TCF3: variants seen among roughly 807,000 people sequenced by gnomAD.
TCF3 encodes the protein transcription factor 3, also known as transcription factor E2-alpha.
A neutral mutation model predicts 72.3 loss-of-function variants in TCF3; 54 were observed. The observed-to-expected ratio is 0.75, with a 90% CI of 0.60 to 0.94. The LOEUF is 0.94. TCF3 is among the 40% of genes least tolerant of loss of function. TCF3 has a pLI of 0.00. For synonymous variants in TCF3, 525 were observed against 412.6 expected (o/e 1.27, Z -3.30); for missense variants, 1,078 against 934.4 (o/e 1.15, Z -2.00).
chr19:1,635,685 C>T (rs1054238360), intron 3 of TCF3, among the ~76,000 whole-genome samples: 18 of 152,162 alleles, frequency 1.2e-4, no homozygotes, highest in Non-Finnish European at 1.3e-4. Context: ...CTGTCCAATA[C>T]GGGGACCACA....
chr19:1,621,265 C>T, intron 11 of TCF3, 74 bp from the exon 12 acceptor site: 1 of 1,481,122 alleles, frequency 6.8e-7, no homozygotes, highest in African/African-American at 1.4e-5. Flanking sequence ...CTCCTGCGTT[C>T]TGCCGTCCTG....
At chr19:1,621,292 C>CGCAG in intron 11 of TCF3, 101 bp from the exon 12 acceptor site, 3 of 1,353,544 alleles carry the variant, frequency 2.2e-6, no homozygotes, top group Non-Finnish European at 3.0e-6. Flanking sequence ...CACTGCTGCG[C>CGCAG]CAGGGAGAGC....
At chr19:1,648,378 C>G (rs533509291) in intron 2 of TCF3, among the ~76,000 whole-genome samples, 2 of 152,192 alleles carry the variant, frequency 1.3e-5, no homozygotes, top group East Asian at 3.9e-4. Flanking sequence ...AGAGGACGGG[C>G]ACCTCGCCGC....
rs1600134885 is a variant in TCF3, at chr19:1,646,436, A to G, written c.73-9T>C. On this transcript the variant is annotated splice_polypyrimidine_tract_variant and intron_variant, in intron 2 of 18. Coordinates refer to ENST00000262965, the MANE Select transcript of TCF3 (RefSeq NM_003200.5). ...ACAGGCAGCGGGAACATCTGCAGGG[A>G]GGGGAGGGGAGACGTGAGCGGGGCG... 7.3e-7 allele frequency: 1 copy of G among 1,372,014 alleles called. No individual in the cohort carries two copies. The highest frequency in any genetic ancestry group is 1.0e-6 in the Non-Finnish European group (1 of 1,002,682). 85.0% of individuals were successfully genotyped at this position (1,372,014 alleles called of 1,614,324 possible). A position where few individuals can be genotyped will look rare whatever the true frequency, so the allele number is the denominator to read the frequency against.
At chr19:1,640,969 C>T (rs8103690) in intron 3 of TCF3, among the ~76,000 whole-genome samples, 7 of 151,952 alleles carry the variant, frequency 4.6e-5, no homozygotes, top group African/African-American at 9.7e-5. Flanking sequence ...GCCAACGTGG[C>T]GAAACCATGT....
chr19:1,629,173 C>G lies in TCF3; in HGVS notation c.299-1747G>C, dbSNP rs548784348. Among the ~76,000 whole-genome samples the G allele has an allele frequency of 2.5e-4, 38 of 152,160 alleles. 1 individual carries two copies. The South Asian group carries it at 7.9e-3, about 32-fold the overall frequency. On this transcript the variant is annotated intron_variant, in intron 5 of 18. Transcript: ENST00000262965. ...GCTTCCTGCTGGCCAGGCCCCTGCC[C>G]TTCCTGAGCCTCAGTTTCCTCTGTT... is the stretch of plus-strand genomic sequence containing the variant.
Position 1,610,683 on chromosome 19 carries a change from G to A in TCF3, c.*1024C>T, listed in dbSNP as rs544189594. ...GGGCGTTGTGTAGGGTAGCCCTGGG[G>A]GCCACAGCTGCTTGGCAGAGTCACC... On this transcript the variant is annotated 3_prime_UTR_variant, in exon 19 of 19. Coordinates refer to ENST00000262965, the MANE Select transcript of TCF3 (RefSeq NM_003200.5). 3.1e-4 allele frequency: 71 copies of A among 230,736 alleles called. No homozygotes were observed. Among genetic ancestry groups the A allele is most frequent in the African/African-American group, 1.5e-3 (67 of 45,176 alleles). 14.3% of individuals were successfully genotyped at this position (230,736 alleles called of 1,614,324 possible).
chr19:1,636,860 TGGG>T (rs1279150071), intron 3 of TCF3, among the ~76,000 whole-genome samples: 1 of 152,026 alleles, frequency 6.6e-6, no homozygotes, highest in Non-Finnish European at 1.5e-5. Flanking sequence ...TGTCTGGCGA[TGGG>T]GGGTGGGACA....
At chr19:1,622,619 C>A (rs144647265) in intron 8 of TCF3, among the ~76,000 whole-genome samples, 166 of 152,190 alleles carry the variant, frequency 1.1e-3, no homozygotes, top group Non-Finnish European at 2.1e-3. Context: ...TCTCCTACTC[C>A]TTTTCCAGCC....
chr19:1,612,125 C>T, intron 18 of TCF3: 1 of 1,397,206 alleles, frequency 7.2e-7, no homozygotes. Context: ...CCGGGGGCGG[C>T]AAGCACAGGA....
chr19:1,637,765 T>C (rs1234395830), intron 3 of TCF3, among the ~76,000 whole-genome samples: 2 of 151,948 alleles, frequency 1.3e-5, no homozygotes, highest in East Asian at 1.9e-4. Context: ...AAAAATTAGC[T>C]GGGCGTGGTG....
chr19:1,646,507 G>A lies in TCF3; in HGVS notation c.73-80C>T, dbSNP rs551094024. ...AGTCCCGGGTTCAAACCCAAGCTGG[G>A]AGCAGAGCTGGGGACACCCGGGAAC... On this transcript the variant is annotated intron_variant, in intron 2 of 18. Transcript: ENST00000262965. The A allele has an allele frequency of 7.4e-6, 10 of 1,354,956 alleles. No homozygotes were observed. In the African/African-American group the frequency reaches 1.4e-4, roughly 19 times the overall value. The allele number at this position is 1,354,956 out of a possible 1,614,324, so 83.9% of individuals were successfully genotyped here.
Position 1,615,309 on chromosome 19 carries a change from G to A in TCF3, c.1798C>T (p.Leu600=), listed in dbSNP as rs768629193. 6.2e-7 allele frequency: 1 copy of A among 1,601,822 alleles called. No individual in the cohort carries two copies. Among genetic ancestry groups the A allele is most frequent in the Non-Finnish European group, 8.5e-7 (1 of 1,170,370 alleles). The change falls in exon 18 of 19, where the codon CTG becomes TTG. Residue 600 remains leucine, a synonymous_variant. Transcript: ENST00000262965. The surrounding 1 kb of genome is among the most constrained non-coding windows in gnomAD (Gnocchi z 7.3). The stretch of plus-strand genomic sequence containing the variant: ...CCTCGCACTTGCTGCTCCAAGTTCA[G>A]GATGACCGAGACAGCCTGGTGCAGG... ...LILHQAVSVI[L]NLEQQVRERN... is the part of the protein sequence containing the mutation.
intron 3 of TCF3, among the ~76,000 whole-genome samples, chr19:1,641,478 G>A (rs572340317): frequency 3.9e-5 from 6 of 152,094 alleles, no homozygotes; most frequent in Non-Finnish European, 5.9e-5. Flanking sequence ...CTTCAGACAC[G>A]GTCTCCCTCT....
intron 3 of TCF3, among the ~76,000 whole-genome samples, chr19:1,646,131 G>A (rs981920670): frequency 6.6e-6 from 1 of 152,262 alleles, no homozygotes; most frequent in Admixed American, 6.5e-5. Flanking sequence ...CGGGAGGGAC[G>A]AGGGGACGAG....
intron 3 of TCF3, among the ~76,000 whole-genome samples, chr19:1,642,546 A>G (rs572218505): frequency 1.3e-5 from 2 of 152,304 alleles, no homozygotes; most frequent in African/African-American, 2.4e-5. Context: ...GTAACAGAAA[A>G]TTCACCAGAG....
chr19:1,649,632 G>A (rs1201114490), intron 2 of TCF3, among the ~76,000 whole-genome samples: 1 of 151,854 alleles, frequency 6.6e-6, no homozygotes, highest in Non-Finnish European at 1.5e-5. Flanking sequence ...ATGTTTCCTG[G>A]GCTGGACTTG....
chr19:1,623,800 G>C, intron 8 of TCF3, 151 bp downstream of exon 8: 9 of 721,854 alleles, frequency 1.2e-5, no homozygotes, highest in Non-Finnish European at 2.0e-5. Context: ...AGGCGGCCTC[G>C]GGTCAGAGCT....
rs544605986 is a variant in TCF3, at chr19:1,652,329, T to TGGG, written c.-72_-70dup. ...TGGGCGCGGCCGGGCACGCGGCGCG[T>TGGG]GGGGGGGGGCGGCGGCATGAAGCGG... On this transcript the variant is annotated 5_prime_UTR_variant, in exon 1 of 19. Transcript: ENST00000262965. The TGGG allele has an allele frequency of 8.3e-6, 1 of 120,758 alleles. No homozygotes were observed. Among genetic ancestry groups the TGGG allele is most frequent in the African/African-American group, 3.1e-5 (1 of 32,544 alleles). 7.5% of individuals were successfully genotyped at this position (120,758 alleles called of 1,614,324 possible).
Sources: gnomAD v4.1 joint callset for allele counts (sites outside exome capture counted in the v4.1 genomes callset) on GRCh38, gnomAD v4.1.1 for gene constraint, Gnocchi (gnomAD v3.1) non-coding constraint, MANE v1.5 for transcripts, NCBI Gene and HGNC (gene_info 2026-07-23, HGNC 2026-07-21) for gene names.